CDK6: variants seen among roughly 807,000 people sequenced by gnomAD.
CDK6 encodes the protein cyclin dependent kinase 6.
A neutral mutation model predicts 37.1 loss-of-function variants in CDK6; 6 were observed. That is an observed-to-expected ratio of 0.16 (90% CI 0.09 to 0.32). CDK6 has a LOEUF of 0.32. Among genes scored for constraint, CDK6 ranks in the 10% least tolerant of loss-of-function variants. CDK6 has a pLI of 1.00. For synonymous variants in CDK6, 160 were observed against 161.3 expected, an observed-to-expected ratio of 0.99 and a Z score of 0.06; for missense variants, 224 against 418.9, an observed-to-expected ratio of 0.53 and a Z score of 4.06.
intron 3 of CDK6, among the ~76,000 whole-genome samples, chr7:92,772,202 A>T (rs904383904): frequency 1.3e-5 from 2 of 150,810 alleles, no homozygotes; most frequent in Non-Finnish European, 3.0e-5. Flanking sequence ...ATAGTTCAGA[A>T]TTTTTTTTTT....
chr7:92,621,994 T>C (rs1795814172), intron 6 of CDK6, among the ~76,000 whole-genome samples: 1 of 147,794 alleles, frequency 6.8e-6, no homozygotes. Flanking sequence ...TGAAAATCTG[T>C]TCTTTAGGGG....
chr7:92,641,344 T>C (rs758207877), intron 5 of CDK6, among the ~76,000 whole-genome samples: 1 of 152,206 alleles, frequency 6.6e-6, no homozygotes, highest in Non-Finnish European at 1.5e-5. Flanking sequence ...TCCCACTTTA[T>C]TTATATCAGC....
chr7:92,783,964 T>G (rs1177149994), intron 2 of CDK6, among the ~76,000 whole-genome samples: 2 of 152,214 alleles, frequency 1.3e-5, no homozygotes, highest in South Asian at 2.1e-4. Flanking sequence ...CTACAGGCAC[T>G]TCTACGTCAT....
chr7:92,808,747 AT>A (rs1800791880), intron 2 of CDK6, among the ~76,000 whole-genome samples: 1 of 152,178 alleles, frequency 6.6e-6, no homozygotes, highest in South Asian at 2.1e-4. Flanking sequence ...AACATAACCC[AT>A]TTTCAGCTGG....
chr7:92,759,703 A>G (rs796301827), intron 3 of CDK6, among the ~76,000 whole-genome samples: 1 of 150,202 alleles, frequency 6.7e-6, no homozygotes, highest in African/African-American at 2.5e-5. Flanking sequence ...AAGGCAAAAA[A>G]AAAAAAAAAA....
At chr7:92,680,941 T>C (rs1023190586) in intron 4 of CDK6, among the ~76,000 whole-genome samples, 1 of 152,198 alleles carries the variant, frequency 6.6e-6, no homozygotes, top group Admixed American at 6.5e-5. Flanking sequence ...CCTTTCTATC[T>C]TGCATTATAG....
rs1795537734 is a variant in CDK6, at chr7:92,610,458, G to A, written c.*4682C>T. 8.7e-6 allele frequency: 2 copies of A among 230,862 alleles called. No individual in the cohort carries two copies. Among genetic ancestry groups the A allele is most frequent in the African/African-American group, 4.4e-5 (2 of 45,218 alleles). The allele number at this position is 230,862 out of a possible 1,614,324, so 14.3% of individuals were successfully genotyped here. On this transcript the variant is annotated 3_prime_UTR_variant, in exon 8 of 8. Transcript: ENST00000424848. Reference sequence around the variant, plus strand: ...TTGAGAAAAAAACGTGTAAAAATTGGACCCCTTCTGTTTTTACATTTCTGT... The same window carrying A: ...TTGAGAAAAAAACGTGTAAAAATTGAACCCCTTCTGTTTTTACATTTCTGT...
rs551415804 is a variant in CDK6 at position 92,658,097 on chromosome 7, C to G, written c.647+13329G>C. On this transcript the variant is annotated intron_variant, in intron 5 of 7. Coordinates refer to ENST00000424848, the MANE Select transcript of CDK6 (RefSeq NM_001145306.2). Reference sequence around the variant, plus strand: ...ATAAGAGTTCTTTTCTTGCTTTACTCTTGACAACCTTTCTTCATCTTTGAG... The same window carrying G: ...ATAAGAGTTCTTTTCTTGCTTTACTGTTGACAACCTTTCTTCATCTTTGAG... Among the ~76,000 whole-genome samples the G allele has an allele frequency of 1.5e-3, 234 of 152,240 alleles. 1 individual carries two copies. The highest frequency in any genetic ancestry group is 5.2e-3 in the African/African-American group (217 of 41,566).
In CDK6 at chr7:92,836,506, C is replaced by G. The variant is rs1014256679; in HGVS notation, c.-396G>C. 2.6e-5 allele frequency: 4 copies of G among 151,988 alleles called. No individual in the cohort carries two copies. The highest frequency in any genetic ancestry group is 2.9e-5 in the Non-Finnish European group (2 of 67,978). The allele number at this position is 151,988 out of a possible 1,614,324, so 9.4% of individuals were successfully genotyped here. Reference sequence around the variant, plus strand: ...AGGGGCCCAGTCGCGTCGGGCCTCCCGAGGGGGCTGCGAGTGTCAGTCGGC... The same window carrying G: ...AGGGGCCCAGTCGCGTCGGGCCTCCGGAGGGGGCTGCGAGTGTCAGTCGGC... On this transcript the variant is annotated 5_prime_UTR_variant, in exon 1 of 8. Transcript: ENST00000424848.
At chr7:92,625,540 AAC>A (rs1378291971) in intron 5 of CDK6, among the ~76,000 whole-genome samples, 7 of 141,460 alleles carry the variant, frequency 4.9e-5, no homozygotes, top group African/African-American at 1.9e-4. Flanking sequence ...TGCAAAAAAA[AAC>A]AAAACAAAAC....
At chr7:92,754,169 C>A (rs1799255989) in intron 3 of CDK6, among the ~76,000 whole-genome samples, 1 of 152,142 alleles carries the variant, frequency 6.6e-6, no homozygotes, top group African/African-American at 2.4e-5. Context: ...TTGCTTCTAT[C>A]CCTCACTTAA....
intron 2 of CDK6, among the ~76,000 whole-genome samples, chr7:92,818,450 A>ACTTG (rs1801083453): frequency 6.6e-6 from 1 of 152,014 alleles, no homozygotes; most frequent in Non-Finnish European, 1.5e-5. Context: ...ACTTGACTTG[A>ACTTG]ATGCATCACA....
intron 4 of CDK6, among the ~76,000 whole-genome samples, chr7:92,689,532 A>G (rs1015574552): frequency 6.6e-6 from 1 of 152,234 alleles, no homozygotes; most frequent in Non-Finnish European, 1.5e-5. Context: ...ATACCCATAA[A>G]GAAATACATG....
rs547260710 is a variant in CDK6 at position 92,684,013 on chromosome 7, G to A, written c.538-12478C>T. Reference sequence around the variant, plus strand: ...TTTATTTTGAGTGTAAATAAGTAGGGGGCTACGGAAGGAGAGAAAGGAAAC... The same window carrying A: ...TTTATTTTGAGTGTAAATAAGTAGGAGGCTACGGAAGGAGAGAAAGGAAAC... On this transcript the variant is annotated intron_variant, in intron 4 of 7. Transcript: ENST00000424848. 1.7e-3 allele frequency among the ~76,000 whole-genome samples: 253 copies of A among 152,266 alleles called. 1 individual carries two copies. The highest frequency in any genetic ancestry group is 3.4e-3 in the Middle Eastern group (1 of 294).
chr7:92,647,755 T>C (rs1796484085), intron 5 of CDK6, among the ~76,000 whole-genome samples: 1 of 152,206 alleles, frequency 6.6e-6, no homozygotes, highest in Non-Finnish European at 1.5e-5. Flanking sequence ...GCTACAGACC[T>C]TGATGTGTGT....
intron 5 of CDK6, among the ~76,000 whole-genome samples, chr7:92,658,986 GAGA>G (rs1261324568): frequency 6.6e-6 from 1 of 152,152 alleles, no homozygotes; most frequent in African/African-American, 2.4e-5. Flanking sequence ...ATTAATTCAG[GAGA>G]AGAAGGCCAG....
chr7:92,679,699 AC>A (rs1459409049), intron 4 of CDK6, among the ~76,000 whole-genome samples: 3 of 152,134 alleles, frequency 2.0e-5, no homozygotes, highest in Non-Finnish European at 4.4e-5. Flanking sequence ...AATTTCACTG[AC>A]TTTTCACAGA....
chr7:92,831,748 C>G (rs1446321040), intron 2 of CDK6, among the ~76,000 whole-genome samples: 1 of 152,134 alleles, frequency 6.6e-6, no homozygotes, highest in Non-Finnish European at 1.5e-5. Flanking sequence ...TCTTTGATGC[C>G]TTCTAGCTTG....
Position 92,612,897 on chromosome 7 carries a change from C to T in CDK6, c.*2243G>A, listed in dbSNP as rs1038161284. 19 of 232,900 alleles carry T rather than the reference C, an allele frequency of 8.2e-5. No homozygotes were observed. Among genetic ancestry groups the T allele is most frequent in the Middle Eastern group, 1.2e-3 (1 of 808 alleles). 14.4% of individuals were successfully genotyped at this position (232,900 alleles called of 1,614,324 possible). A position where few individuals can be genotyped will look rare whatever the true frequency, so the allele number is the denominator to read the frequency against. On this transcript the variant is annotated 3_prime_UTR_variant, in exon 8 of 8. Coordinates refer to ENST00000424848, the MANE Select transcript of CDK6 (RefSeq NM_001145306.2). Reference sequence around the variant, plus strand: ...TGAGTTTTTAAATTCAATTTGTAGGCCCTAGCAAAAATGTCTTTGTATTTT... The same window carrying T: ...TGAGTTTTTAAATTCAATTTGTAGGTCCTAGCAAAAATGTCTTTGTATTTT...
Sources: allele counts gnomAD v4.1 joint callset (sites outside exome capture counted in the v4.1 genomes callset), GRCh38; gene constraint gnomAD v4.1.1; transcripts MANE v1.5; gene names NCBI Gene and HGNC (gene_info 2026-07-23, HGNC 2026-07-21).